Variants in CFAP54 observed in about 807,000 individuals in gnomAD.
The protein encoded by CFAP54 is cilia and flagella associated protein 54, also known as cilia- and flagella-associated protein 54.
In CFAP54, 290 loss-of-function variants were observed where a neutral mutation model predicts 370.4. The observed-to-expected ratio is 0.78, with a 90% CI of 0.71 to 0.86. The LOEUF (loss-of-function observed/expected upper bound fraction) is 0.86. Among genes scored for constraint, CFAP54 ranks in the 40% least tolerant of loss-of-function variants. The pLI, the probability that CFAP54 is intolerant of heterozygous loss-of-function variation, is 0.00. For missense variants in CFAP54, 3,399 were observed against 3,528.7 expected, an observed-to-expected ratio of 0.96 and a Z score of 0.93; for synonymous variants, 1,206 against 1,236.5, an observed-to-expected ratio of 0.98 and a Z score of 0.52.
chr12:96,786,200 CTTT>C (rs35563047), intron 61 of CFAP54, among the ~76,000 whole-genome samples: 24 of 137,666 alleles, frequency 1.7e-4, no homozygotes, highest in South Asian at 2.3e-4. Flanking sequence ...TTTTTTTAAT[CTTT>C]TTTTTTTTTT....
At chr12:96,799,864 A>G (rs947090097) in intron 63 of CFAP54, among the ~76,000 whole-genome samples, 5 of 152,334 alleles carry the variant, frequency 3.3e-5, no homozygotes, top group South Asian at 2.1e-4. Flanking sequence ...ATGAAACACA[A>G]AAAACACTAG....
intron 50 of CFAP54, among the ~76,000 whole-genome samples, chr12:96,736,904 A>G (rs1364599386): frequency 6.6e-6 from 1 of 152,252 alleles, no homozygotes; most frequent in African/African-American, 2.4e-5. Context: ...ATAGAGTAAC[A>G]GATAAGAGTA....
chr12:96,516,100 A>G (rs1955231494), intron 5 of CFAP54, among the ~76,000 whole-genome samples: 1 of 151,896 alleles, frequency 6.6e-6, no homozygotes, highest in South Asian at 2.1e-4. Flanking sequence ...TATTTTTAGT[A>G]GAGACAGGGT....
chr12:96,591,947 A>G (rs1319022483), intron 23 of CFAP54, among the ~76,000 whole-genome samples: 1 of 151,308 alleles, frequency 6.6e-6, no homozygotes, highest in Non-Finnish European at 1.5e-5. Context: ...ACAAGGAGAC[A>G]TCAGGGATAA....
intron 48 of CFAP54, among the ~76,000 whole-genome samples, chr12:96,715,471 CA>C (rs1957666975): frequency 1.3e-5 from 2 of 151,890 alleles, no homozygotes; most frequent in South Asian, 2.1e-4. Flanking sequence ...GATGAGATGG[CA>C]GGGGGAAGAG....
chr12:96,571,841 C>T (rs1565900225), intron 19 of CFAP54, among the ~76,000 whole-genome samples: 1 of 152,130 alleles, frequency 6.6e-6, no homozygotes, highest in Non-Finnish European at 1.5e-5. Context: ...GAATTGGCTG[C>T]CTTAAATTAG....
intron 66 of CFAP54, among the ~76,000 whole-genome samples, chr12:96,859,073 A>G: frequency 6.6e-6 from 1 of 152,164 alleles, no homozygotes; most frequent in East Asian, 1.9e-4. Flanking sequence ...GACCAATGGA[A>G]CAGAATAGAG....
Position 96,507,014 on chromosome 12 carries a change from C to T in CFAP54, c.654C>T (p.Val218=). ...ACCTGAAGAATAAAGAATCTGTGGT[C>T]CAGTGTCTGCATATCTTGTCCTCCT... ...DENLKNKESV[V]QCLHILSSLR... The change falls in exon 4 of 68, where the codon GTC becomes GTT. Residue 218 remains valine, a synonymous_variant. Transcript: ENST00000524981. 2.0e-6 allele frequency: 3 copies of T among 1,535,984 alleles called. No individual in the cohort carries two copies. The highest frequency in any genetic ancestry group is 2.6e-6 in the Non-Finnish European group (3 of 1,146,750).
chr12:96,762,468 C>T (rs565337026), intron 58 of CFAP54, among the ~76,000 whole-genome samples: 1 of 152,338 alleles, frequency 6.6e-6, no homozygotes, highest in Non-Finnish European at 1.5e-5. Context: ...CAATGTCGAA[C>T]ATCTCCCCCA....
At chr12:96,590,992 G>A (rs1436640481) in intron 23 of CFAP54, among the ~76,000 whole-genome samples, 6 of 152,228 alleles carry the variant, frequency 3.9e-5, no homozygotes, top group South Asian at 2.1e-4. Context: ...CCCAGGAAAC[G>A]ACTGTTTAAC....
intron 12 of CFAP54, among the ~76,000 whole-genome samples, chr12:96,537,450 T>C (rs920231547): frequency 6.6e-6 from 1 of 152,176 alleles, no homozygotes; most frequent in Non-Finnish European, 1.5e-5. Flanking sequence ...CAAGCGATTC[T>C]TGTGGCTTAG....
chr12:96,580,856 G>T, intron 21 of CFAP54, 64 bp from the exon 22 acceptor site: 1 of 1,240,510 alleles, frequency 8.1e-7, no homozygotes, highest in South Asian at 1.9e-5. Flanking sequence ...TTACTTAATT[G>T]TATTTTAAAA....
chr12:96,671,170 C>T (rs745373524), intron 39 of CFAP54, among the ~76,000 whole-genome samples: 5 of 152,090 alleles, frequency 3.3e-5, no homozygotes, highest in Non-Finnish European at 5.9e-5. Context: ...TGGGGTTTCA[C>T]CATGTTGGCC....
chr12:96,726,204 G>A (rs1240321003), intron 50 of CFAP54, among the ~76,000 whole-genome samples: 1 of 151,378 alleles, frequency 6.6e-6, no homozygotes, highest in Non-Finnish European at 1.5e-5. Context: ...ATGAGTTAGG[G>A]AGGATTCCCT....
At chr12:96,796,491 C>G (rs184998448) in intron 63 of CFAP54, among the ~76,000 whole-genome samples, 2 of 152,140 alleles carry the variant, frequency 1.3e-5, no homozygotes, top group East Asian at 3.9e-4. Context: ...CTACTGTTTT[C>G]TTTCTGAGAA....
chr12:96,771,813 C>A (rs1032187596), intron 60 of CFAP54, among the ~76,000 whole-genome samples: 6 of 152,154 alleles, frequency 3.9e-5, no homozygotes, highest in Non-Finnish European at 7.4e-5. Flanking sequence ...TGATGGGAAG[C>A]GATTGCAAAG....
intron 42 of CFAP54, among the ~76,000 whole-genome samples, chr12:96,688,661 G>A (rs1558976): frequency 0.41 from 61,898 of 151,824 alleles, 12,844 homozygotes; most frequent in Admixed American, 0.46. Context: ...ATGTTTCTCC[G>A]TGTGTATAAT....
chr12:96,821,362 A>G (rs904065441), intron 65 of CFAP54, among the ~76,000 whole-genome samples: 3 of 152,138 alleles, frequency 2.0e-5, no homozygotes, highest in African/African-American at 7.2e-5. Flanking sequence ...TGCCTTAAGA[A>G]AGGCTTATGG....
At chr12:96,736,716 T>C (rs1350037730) in intron 50 of CFAP54, among the ~76,000 whole-genome samples, 1 of 152,156 alleles carries the variant, frequency 6.6e-6, no homozygotes, top group African/African-American at 2.4e-5. Context: ...AATATTATGC[T>C]AAGTAGGATG....
Sources: gnomAD v4.1 joint callset for allele counts (sites outside exome capture counted in the v4.1 genomes callset) on GRCh38, gnomAD v4.1.1 for gene constraint, MANE v1.5 for transcripts, NCBI Gene and HGNC (gene_info 2026-07-23, HGNC 2026-07-21) for gene names.